The following TBC1D5 variants were observed in gnomAD, a reference collection of about 807,000 sequenced individuals.
TBC1D5 encodes TBC1 domain family, member 5.
In TBC1D5, 75 loss-of-function variants were observed where a neutral mutation model predicts 100.3. The ratio of observed to expected loss-of-function variants is 0.75; its 90% CI spans 0.62 to 0.91. TBC1D5 has a LOEUF of 0.91. Among genes scored for constraint, TBC1D5 ranks in the 40% least tolerant of loss-of-function variants. The pLI is 0.00. For synonymous variants in TBC1D5, 323 were observed against 325.6 expected (o/e 0.99, Z 0.09); for missense variants, 910 against 942.4 (o/e 0.97, Z 0.45).
chr3:17,485,632 A>G (rs968164201), intron 3 of TBC1D5, among the ~76,000 whole-genome samples: 19 of 151,816 alleles, frequency 1.3e-4, no homozygotes, highest in Admixed American at 2.0e-4. Context: ...GAGAATGATT[A>G]TTTCCAATTT....
chr3:17,349,684 G>A (rs2090322066), intron 13 of TBC1D5, among the ~76,000 whole-genome samples: 1 of 152,168 alleles, frequency 6.6e-6, no homozygotes. Flanking sequence ...GTTCCCAAAT[G>A]AAAATTATTG....
chr3:17,597,193 C>T (rs2060629103), intron 2 of TBC1D5, among the ~76,000 whole-genome samples: 1 of 152,138 alleles, frequency 6.6e-6, no homozygotes, highest in Non-Finnish European at 1.5e-5. Context: ...TGCTTTTACC[C>T]TATGACTTAC....
At chr3:17,258,547 A>G (rs1322697567) in exon 16 of TBC1D5, 8 of 1,612,784 alleles carry the variant, frequency 5.0e-6, no homozygotes, top group Non-Finnish European at 6.8e-6. Context: ...CTTTGTAATA[A>G]TCTAAATTTG....
intron 13 of TBC1D5, among the ~76,000 whole-genome samples, chr3:17,345,862 T>C (rs1358510305): frequency 6.6e-6 from 1 of 151,660 alleles, no homozygotes; most frequent in Admixed American, 6.6e-5. Context: ...TAGATGGAAT[T>C]GAACAATGAG....
intron 2 of TBC1D5, among the ~76,000 whole-genome samples, chr3:17,517,984 G>A (rs2096012177): frequency 6.6e-6 from 1 of 152,084 alleles, no homozygotes; most frequent in Non-Finnish European, 1.5e-5. Flanking sequence ...GTGTACTATG[G>A]TTCACTGTTG....
At chr3:17,604,207 G>GCCT (rs904256196) in intron 2 of TBC1D5, among the ~76,000 whole-genome samples, 8 of 152,136 alleles carry the variant, frequency 5.3e-5, no homozygotes, top group Non-Finnish European at 8.8e-5. Context: ...TGATCTACCT[G>GCCT]CCTCGGCCTC....
intron 2 of TBC1D5, among the ~76,000 whole-genome samples, chr3:17,564,465 C>T (rs753725356): frequency 4.6e-5 from 7 of 151,920 alleles, no homozygotes; most frequent in Non-Finnish European, 8.8e-5. Flanking sequence ...ACAGTTTTAT[C>T]AAAAAGACAT....
chr3:17,658,162 G>A (rs2066273736), intron 1 of TBC1D5, among the ~76,000 whole-genome samples: 1 of 152,174 alleles, frequency 6.6e-6, no homozygotes. Flanking sequence ...ATTCTATGAT[G>A]TTCACACAAA....
intron 18 of TBC1D5, among the ~76,000 whole-genome samples, chr3:17,210,085 T>G (rs2348001): frequency 0.39 from 60,069 of 152,108 alleles, 12,604 homozygotes; most frequent in Middle Eastern, 0.5. Flanking sequence ...TGAGAATCAT[T>G]TTTTTGAATC....
intron 1 of TBC1D5, among the ~76,000 whole-genome samples, chr3:17,679,521 T>C (rs2069158799): frequency 2.0e-5 from 3 of 151,542 alleles, no homozygotes; most frequent in Non-Finnish European, 4.4e-5. Context: ...AAATTAACTT[T>C]GCTGTTAAAA....
intron 2 of TBC1D5, among the ~76,000 whole-genome samples, chr3:17,540,610 T>G (rs1560118243): frequency 6.6e-6 from 1 of 151,990 alleles, no homozygotes; most frequent in African/African-American, 2.4e-5. Flanking sequence ...GGTACTCTTG[T>G]TAAAAATCAT....
chr3:17,387,432 C>G (rs891258463), intron 8 of TBC1D5, among the ~76,000 whole-genome samples: 1 of 152,020 alleles, frequency 6.6e-6, no homozygotes, highest in Admixed American at 6.6e-5. Flanking sequence ...GAACCTAGCT[C>G]TGAAGGTTGA....
intron 13 of TBC1D5, among the ~76,000 whole-genome samples, chr3:17,323,066 C>T (rs1044176487): frequency 6.6e-6 from 1 of 152,200 alleles, no homozygotes; most frequent in South Asian, 2.1e-4. Context: ...AAAGTAAACT[C>T]AACATTTCTT....
intron 2 of TBC1D5, among the ~76,000 whole-genome samples, chr3:17,514,798 T>C (rs1039905922): frequency 2.6e-5 from 4 of 152,146 alleles, no homozygotes; most frequent in African/African-American, 9.6e-5. Context: ...CAGTGTATTC[T>C]CATACAGTTT....
intron 18 of TBC1D5, among the ~76,000 whole-genome samples, chr3:17,209,122 A>C (rs1162595442): frequency 6.6e-6 from 1 of 151,874 alleles, no homozygotes; most frequent in Non-Finnish European, 1.5e-5. Flanking sequence ...TTGTTTTTTC[A>C]CCTCTATATC....
Position 17,380,045 on chromosome 3 carries a change from A to ATGTGTGTGTGTGTGTGTG in TBC1D5, c.613-3450_613-3433dup, listed in dbSNP as rs3041142. 2.7e-3 allele frequency among the ~76,000 whole-genome samples: 308 copies of ATGTGTGTGTGTGTGTGTG among 112,462 alleles called. 3 individuals are homozygous for ATGTGTGTGTGTGTGTGTG. Among genetic ancestry groups the ATGTGTGTGTGTGTGTGTG allele is most frequent in the East Asian group, 5.8e-3 (25 of 4,300 alleles). The allele number at this position is 112,462 out of a possible 152,430, so 73.8% of individuals were successfully genotyped here. ...GGACACTGTACAGCTGTGACTGTGT[A>ATGTGTGTGTGTGTGTGTG]TGTGTGTGTGTGTGTGTGTGTGTGT... On this transcript the variant is annotated intron_variant, in intron 9 of 21. Transcript: ENST00000253692.
At chr3:17,582,636 G>A (rs979802093) in intron 2 of TBC1D5, among the ~76,000 whole-genome samples, 2 of 147,078 alleles carry the variant, frequency 1.4e-5, no homozygotes, top group African/African-American at 5.0e-5. Context: ...TTACCAAAAT[G>A]TTATTTTATG....
chr3:17,257,943 A>G (rs1023307317), intron 16 of TBC1D5, among the ~76,000 whole-genome samples: 23 of 152,290 alleles, frequency 1.5e-4, no homozygotes, highest in African/African-American at 5.3e-4. Context: ...GAGACATCTC[A>G]ATATGATATT....
intron 17 of TBC1D5, among the ~76,000 whole-genome samples, chr3:17,235,433 A>G (rs2075777619): frequency 6.6e-6 from 1 of 152,224 alleles, no homozygotes; most frequent in African/African-American, 2.4e-5. Flanking sequence ...CACTAAGTAG[A>G]TGACTCTGTT....
Sources: gnomAD v4.1 joint callset for allele counts (sites outside exome capture counted in the v4.1 genomes callset) on GRCh38, gnomAD v4.1.1 for gene constraint, MANE v1.5 for transcripts, NCBI Gene and HGNC (gene_info 2026-07-23, HGNC 2026-07-21) for gene names.